Variants in ELOB observed in about 807,000 individuals in gnomAD.
The protein encoded by ELOB is elongin-B.
A neutral mutation model predicts 12.9 loss-of-function variants in ELOB; 3 were observed. The ratio of observed to expected loss-of-function variants is 0.23; its 90% CI spans 0.11 to 0.60. The LOEUF is 0.60. Ranked by LOEUF, ELOB falls within the 20% of genes least tolerant of loss-of-function variation. ELOB has a pLI of 0.89. For missense variants in ELOB, 126 were observed against 159.2 expected, an observed-to-expected ratio of 0.79 and a Z score of 1.12; for synonymous variants, 84 against 67.4, an observed-to-expected ratio of 1.25 and a Z score of -1.21.
intron 2 of ELOB, among the ~76,000 whole-genome samples, chr16:2,776,149 G>A (rs759877735): frequency 2.0e-5 from 3 of 152,192 alleles, no homozygotes; most frequent in Non-Finnish European, 4.4e-5. Context: ...GTTTCAATGA[G>A]CTAGGAAGAA....
chr16:2,772,649 G>C (rs2150783685), intron 3 of ELOB: 1 of 151,292 alleles, frequency 6.6e-6, no homozygotes, highest in South Asian at 2.1e-4. Flanking sequence ...GGCGGAGCTT[G>C]CAGTAGCTGA....
Position 2,771,468 on chromosome 16 carries a change from G to A in ELOB, c.*522C>T, listed in dbSNP as rs747651035. ...GTTAAGGGGGCAGCCACTTCCCTCC[G>A]TGATTACAGCCCCCAGCGTGGGTGG... On this transcript the variant is annotated 3_prime_UTR_variant, in exon 4 of 4. Coordinates refer to ENST00000409906, the MANE Select transcript of ELOB (RefSeq NM_007108.4). 2.5e-5 allele frequency: 40 copies of A among 1,614,184 alleles called. No homozygotes were observed. In the East Asian group the frequency reaches 3.8e-4, roughly 15 times the overall value.
intron 2 of ELOB, among the ~76,000 whole-genome samples, chr16:2,775,909 G>A (rs773983505): frequency 2.0e-5 from 3 of 152,088 alleles, no homozygotes; most frequent in Admixed American, 6.6e-5. Context: ...ACAGGGTCTC[G>A]CTATGTTGCC....
Position 2,775,463 on chromosome 16 carries a change from C to G in ELOB, c.232G>C (p.Ala78Pro). ...RPQAPATVGL[A>P]FRADDTFEAL... ...GTGGGCCTCTCACCTGCCCGGAAGG[C>G]CAGCCCCACTGTGGCTGGGGCCTGT... The change falls in exon 3 of 4, where the codon GCC becomes CCC. Residue 78 changes from alanine to proline, a missense_variant. Transcript: ENST00000409906. The G allele has an allele frequency of 6.2e-7, 1 of 1,602,342 alleles. No individual in the cohort carries two copies.
chr16:2,771,842 C>T lies in ELOB; in HGVS notation c.*148G>A. 6 of 1,454,070 alleles carry T rather than the reference C, an allele frequency of 4.1e-6. No individual in the cohort carries two copies. The highest frequency in any genetic ancestry group is 2.6e-4 in the Middle Eastern group (1 of 3,916). The allele number at this position is 1,454,070 out of a possible 1,614,324, so 90.1% of individuals were successfully genotyped here. On this transcript the variant is annotated 3_prime_UTR_variant, in exon 4 of 4. Coordinates refer to ENST00000409906, the MANE Select transcript of ELOB (RefSeq NM_007108.4). ...AGCCAGGGTCTCAGGATCTGGGAGA[C>T]AGGACAGCACAGGAACTGCCAAGCA...
rs1400788240 is a variant in ELOB at position 2,775,472 on chromosome 16, C to T, written c.223G>A (p.Val75Met). 2 of 1,604,594 alleles carry T rather than the reference C, an allele frequency of 1.2e-6. No homozygotes were observed. The highest frequency in any genetic ancestry group is 2.2e-5 in the East Asian group (1 of 44,830). Residue 75 changes from valine (V) to methionine (M), a missense_variant, in exon 3 of 4, where the codon GTG becomes ATG. Transcript: ENST00000409906. ...TCACCTGCCCGGAAGGCCAGCCCCACTGTGGCTGGGGCCTGTGGCCGTGCT... is the reference window on the plus strand; with the variant it reads ...TCACCTGCCCGGAAGGCCAGCCCCATTGTGGCTGGGGCCTGTGGCCGTGCT... ...QTARPQAPAT[V>M]GLAFRADDTF...
chr16:2,771,441 G>A lies in ELOB; in HGVS notation c.*549C>T, dbSNP rs898700503. On this transcript the variant is annotated 3_prime_UTR_variant, in exon 4 of 4. Transcript: ENST00000409906. ...GGTCTGTAGACTGTTTATTAAAGGT[G>A]TGTTAAGGGGGCAGCCACTTCCCTC... is the stretch of plus-strand genomic sequence containing the variant. 31 of 1,613,982 alleles carry A rather than the reference G, an allele frequency of 1.9e-5. No individual in the cohort carries two copies. The highest frequency in any genetic ancestry group is 5.3e-5 in the African/African-American group (4 of 74,920).
chr16:2,776,231 C>G (rs1214197585), intron 2 of ELOB, among the ~76,000 whole-genome samples: 1 of 152,088 alleles, frequency 6.6e-6, no homozygotes, highest in Non-Finnish European at 1.5e-5. Flanking sequence ...TTGCTAAGTC[C>G]CAGTAGTTAT....
At chr16:2,776,861 A>C in intron 2 of ELOB, 132 bp downstream of exon 2, 1 of 1,257,388 alleles carries the variant, frequency 8.0e-7, no homozygotes. Context: ...CGCACAACGG[A>C]TGTCCCAGTC....
At position 2,775,575 on chromosome 16, in the gene ELOB, T is replaced by A; in HGVS notation, c.139-19A>T. The A allele has an allele frequency of 6.2e-7, 1 of 1,600,840 alleles. No individual in the cohort carries two copies. Among genetic ancestry groups the A allele is most frequent in the Non-Finnish European group, 8.5e-7 (1 of 1,176,602 alleles). On this transcript the variant is annotated intron_variant, in intron 2 of 3. Coordinates refer to ENST00000409906, the MANE Select transcript of ELOB (RefSeq NM_007108.4). ...GGTCATCCTGAGGAGAGAAGCAGGATCTTGGGAGAGGCCCTACATGGGGCA... is the reference window on the plus strand; with the variant it reads ...GGTCATCCTGAGGAGAGAAGCAGGAACTTGGGAGAGGCCCTACATGGGGCA...
At chr16:2,772,851 A>C (rs373605336) in intron 3 of ELOB, among the ~76,000 whole-genome samples, 3 of 52,822 alleles carry the variant, frequency 5.7e-5, no homozygotes, top group East Asian at 2.4e-4. Flanking sequence ...CTGGCTCTCT[A>C]TGTTCTTCTG....
At chr16:2,772,419 C>T (rs1038115300) in intron 3 of ELOB, 2 of 198,246 alleles carry the variant, frequency 1.0e-5, no homozygotes, top group African/African-American at 2.3e-5. Flanking sequence ...ACCCTTCACC[C>T]AGAATATATC....
At chr16:2,772,720 A>G (rs1170384429) in intron 3 of ELOB, among the ~76,000 whole-genome samples, 2 of 151,624 alleles carry the variant, frequency 1.3e-5, no homozygotes, top group African/African-American at 4.9e-5. Context: ...AAAAAAATCA[A>G]ACTAGACTAT....
At chr16:2,772,213 C>T (rs2068763265) in intron 3 of ELOB, 111 bp from the exon 4 acceptor site, 4 of 1,293,982 alleles carry the variant, frequency 3.1e-6, no homozygotes, top group Non-Finnish European at 3.1e-6. Context: ...ATGCGAACGC[C>T]CCTCCACACG....
At position 2,771,940 on chromosome 16, in the gene ELOB, G is replaced by A; in HGVS notation, c.*50C>T. 1 of 1,581,396 alleles carries A rather than the reference G, an allele frequency of 6.3e-7. No homozygotes were observed. The highest frequency in any genetic ancestry group is 8.6e-7 in the Non-Finnish European group (1 of 1,164,600). ...GGCGGGAAAAAGAGGCAGCAACCAG[G>A]CAGACTCCCAAATCTCTTTTATTGG... is the stretch of plus-strand genomic sequence containing the variant. On this transcript the variant is annotated 3_prime_UTR_variant, in exon 4 of 4. Coordinates refer to ENST00000409906, the MANE Select transcript of ELOB (RefSeq NM_007108.4).
chr16:2,772,147 G>A (rs745415132), intron 3 of ELOB, 45 bp from the exon 4 acceptor site: 3 of 1,528,076 alleles, frequency 2.0e-6, no homozygotes, highest in Non-Finnish European at 2.6e-6. Context: ...TCCAGCTCTT[G>A]CCCCAGCTGG....
chr16:2,772,244 G>A, intron 3 of ELOB, 142 bp from the exon 4 acceptor site: 2 of 1,011,150 alleles, frequency 2.0e-6, no homozygotes, highest in Non-Finnish European at 2.7e-6. Flanking sequence ...CCACAGCGCT[G>A]ACCTCCCTGT....
Position 2,771,899 on chromosome 16 carries a change from A to T in ELOB, c.*91T>A. 1 of 1,513,266 alleles carries T rather than the reference A, an allele frequency of 6.6e-7. No homozygotes were observed. The allele number at this position is 1,513,266 out of a possible 1,614,324, so 93.7% of individuals were successfully genotyped here. A position where few individuals can be genotyped will look rare whatever the true frequency, so the allele number is the denominator to read the frequency against. ...CCAAAAGGAGCCCACAGGGAGTGGGACCCATCCCAGGGAGGGGCGGGAAAA... is the reference window on the plus strand; with the variant it reads ...CCAAAAGGAGCCCACAGGGAGTGGGTCCCATCCCAGGGAGGGGCGGGAAAA... On this transcript the variant is annotated 3_prime_UTR_variant, in exon 4 of 4. Transcript: ENST00000409906.
intron 3 of ELOB, among the ~76,000 whole-genome samples, chr16:2,772,925 T>C (rs2068774493): frequency 1.3e-5 from 2 of 152,164 alleles, no homozygotes; most frequent in South Asian, 4.1e-4. Flanking sequence ...GGCTGGCTGC[T>C]TCTGGACTTT....
Sources: allele counts gnomAD v4.1 joint callset (sites outside exome capture counted in the v4.1 genomes callset), GRCh38; gene constraint gnomAD v4.1.1; transcripts MANE v1.5; gene names NCBI Gene and HGNC (gene_info 2026-07-23, HGNC 2026-07-21).